CENATAC: variants seen among roughly 807,000 people sequenced by gnomAD.
CENATAC encodes the protein centrosomal AT-AC splicing factor.
Under a neutral mutation model 53.7 loss-of-function variants are expected in CENATAC, and 53 were observed. That is an observed-to-expected ratio of 0.99 (90% CI 0.79 to 1.24). CENATAC has a LOEUF of 1.24. Ranked by LOEUF, CENATAC falls within the 50% of genes most tolerant of loss-of-function variation. CENATAC has a pLI of 0.00. For synonymous variants in CENATAC, 156 were observed against 144.6 expected (o/e 1.08, Z -0.57); for missense variants, 474 against 417.8 (o/e 1.13, Z -1.17).
intron 3 of CENATAC, among the ~76,000 whole-genome samples, chr11:119,007,608 G>C (rs1037066690): frequency 1.3e-5 from 2 of 151,994 alleles, no homozygotes; most frequent in Admixed American, 6.6e-5. Flanking sequence ...TCCCACCCCA[G>C]CCTTCCAAGT....
intron 5 of CENATAC, 123 bp downstream of exon 5, chr11:119,011,406 CTG>C (rs1942862859): frequency 1.1e-6 from 1 of 881,926 alleles, no homozygotes; most frequent in East Asian, 2.9e-5. Flanking sequence ...CAGAGTTTCG[CTG>C]TGTCACCCAG....
chr11:119,010,413 A>G (rs1465435738), intron 3 of CENATAC: 2 of 253,998 alleles, frequency 7.9e-6, no homozygotes, highest in African/African-American at 2.2e-5. Flanking sequence ...AACCATGTCT[A>G]TACTAACCAG....
At chr11:119,011,858 T>C (rs987866642) in intron 5 of CENATAC, 81 bp from the exon 6 acceptor site, 16 of 1,198,278 alleles carry the variant, frequency 1.3e-5, no homozygotes, top group Non-Finnish European at 1.7e-5. Flanking sequence ...CCTGTGATAC[T>C]GGGGTCTGGA....
chr11:119,012,827 A>C (rs1447877651), intron 7 of CENATAC: 2 of 175,184 alleles, frequency 1.1e-5, no homozygotes, highest in Non-Finnish European at 2.4e-5. Flanking sequence ...CTGTTAGCTC[A>C]AATGTCACTT....
intron 8 of CENATAC, 30 bp downstream of exon 8, chr11:119,013,292 C>T (rs1942964719): frequency 2.5e-6 from 4 of 1,577,364 alleles, no homozygotes; most frequent in African/African-American, 1.4e-5. Context: ...TTTTAAAACC[C>T]TGGGAGATTT....
intron 1 of CENATAC, 25 bp downstream of exon 1, chr11:118,998,342 G>A: frequency 6.2e-7 from 1 of 1,611,536 alleles, no homozygotes; most frequent in Non-Finnish European, 8.5e-7. Flanking sequence ...CTAGAGATGG[G>A]ATGGGAGTGC....
At chr11:119,010,629 G>C (rs527708217) in intron 3 of CENATAC, 135 bp from the exon 4 acceptor site, 53 of 722,270 alleles carry the variant, frequency 7.3e-5, no homozygotes, top group Non-Finnish European at 4.8e-6. Context: ...TGGGTGAGAG[G>C]TACATAGGTG....
At position 118,999,108 on chromosome 11, in the gene CENATAC, C is replaced by G; in HGVS notation, c.382C>G (p.Arg128Gly). Residue 128 changes from arginine to glycine, a missense_variant and splice_region_variant, in exon 3 of 11, where the codon CGA (arginine) becomes GGA (glycine). Coordinates refer to ENST00000334418, the MANE Select transcript of CENATAC (RefSeq NM_198489.3). ...KFLVTPQDYA[R>G]FKKSMVKGLD... ...TCTGGTCACTCCCCAGGATTATGCG[C>G]GGTGAGTCACTGGTATGGAACGTGA... is the stretch of plus-strand genomic sequence containing the variant. The G allele has an allele frequency of 6.2e-7, 1 of 1,606,618 alleles. No individual in the cohort carries two copies. The highest frequency in any genetic ancestry group is 8.5e-7 in the Non-Finnish European group (1 of 1,173,238).
rs782229917 is a variant in CENATAC, at chr11:119,014,981, A to C, written c.716-13A>C. ...CTTAAAAAAAAAAAAAAAAGCCTTA[A>C]TTTTTTTTTCAGGTGCCACACCTCC... On this transcript the variant is annotated splice_polypyrimidine_tract_variant and intron_variant, in intron 8 of 10. Transcript: ENST00000334418. 1 of 1,474,776 alleles carries C rather than the reference A, an allele frequency of 6.8e-7. No individual in the cohort carries two copies. The highest frequency in any genetic ancestry group is 9.1e-7 in the Non-Finnish European group (1 of 1,095,676). 91.4% of individuals were successfully genotyped at this position (1,474,776 alleles called of 1,614,324 possible). A position where few individuals can be genotyped will look rare whatever the true frequency, so the allele number is the denominator to read the frequency against.
Position 118,998,542 on chromosome 11 carries a change from G to A in CENATAC, c.233G>A (p.Ser78Asn), listed in dbSNP as rs1216091161. Reference protein sequence around the residue: ...CCGCEVREHLSHGNLTVLYGG... With the variant: ...CCGCEVREHLNHGNLTVLYGG... The stretch of plus-strand genomic sequence containing the variant: ...GGCTGTGAGGTGCGGGAACACCTGA[G>A]CCATGGAAACCTGACGGTGCTGTAC... Residue 78 changes from serine (S) to asparagine (N), a missense_variant, in exon 2 of 11, where the codon AGC becomes AAC. Physicochemically the swap from Ser to Asn is conservative, Grantham distance 46 (BLOSUM62 1). Transcript: ENST00000334418. The A allele has an allele frequency of 1.3e-6, 2 of 1,597,916 alleles. No individual in the cohort carries two copies. The highest frequency in any genetic ancestry group is 1.7e-6 in the Non-Finnish European group (2 of 1,172,134).
chr11:119,000,694 TTGCAGTGAGCCGAGA>T (rs1942248699), intron 3 of CENATAC, among the ~76,000 whole-genome samples: 2 of 151,834 alleles, frequency 1.3e-5, no homozygotes, highest in Non-Finnish European at 2.9e-5. Flanking sequence ...GAGGCAGAGG[TTGCAGTGAGCCGAGA>T]TCGCACCACT....
chr11:119,015,453 G>C lies in CENATAC; in HGVS notation c.938+14G>C. Reference sequence around the variant, plus strand: ...CTGGCAGTCCAGGTATGTGTGTTCAGTGCCGGGTCTCCAACCTACCCATCC... The same window carrying C: ...CTGGCAGTCCAGGTATGTGTGTTCACTGCCGGGTCTCCAACCTACCCATCC... On this transcript the variant is annotated intron_variant, in intron 10 of 10. Coordinates refer to ENST00000334418, the MANE Select transcript of CENATAC (RefSeq NM_198489.3). 6.2e-7 allele frequency: 1 copy of C among 1,613,922 alleles called. No individual in the cohort carries two copies. Among genetic ancestry groups the C allele is most frequent in the South Asian group, 1.1e-5 (1 of 91,076 alleles).
chr11:119,011,792 G>A (rs1208813245), intron 5 of CENATAC, 147 bp from the exon 6 acceptor site: 1 of 666,072 alleles, frequency 1.5e-6, no homozygotes. Flanking sequence ...GGGAGGGAGG[G>A]AGGGAAGAGT....
intron 3 of CENATAC, among the ~76,000 whole-genome samples, chr11:119,008,278 T>C (rs1206264562): frequency 2.0e-5 from 3 of 152,190 alleles, no homozygotes; most frequent in Non-Finnish European, 4.4e-5. Context: ...TCCCTCAGTT[T>C]TTATTGATTA....
At chr11:119,002,566 G>A (rs1942359942) in intron 3 of CENATAC, among the ~76,000 whole-genome samples, 1 of 151,850 alleles carries the variant, frequency 6.6e-6, no homozygotes, top group South Asian at 2.1e-4. Context: ...TTGAACTCCT[G>A]ACCTCAAGTG....
At chr11:119,005,414 C>A (rs930065471) in intron 3 of CENATAC, among the ~76,000 whole-genome samples, 2 of 150,032 alleles carry the variant, frequency 1.3e-5, no homozygotes, top group Non-Finnish European at 3.0e-5. Context: ...TGCAGTGAGC[C>A]GAGATCATGC....
intron 8 of CENATAC, 82 bp from the exon 9 acceptor site, chr11:119,014,912 G>T: frequency 1.1e-6 from 1 of 892,014 alleles, no homozygotes; most frequent in East Asian, 2.5e-5. Context: ...TTAATGAGGA[G>T]AGGTAAGCTA....
intron 5 of CENATAC, 102 bp downstream of exon 5, chr11:119,011,385 T>A (rs1942861231): frequency 1.8e-6 from 2 of 1,137,778 alleles, no homozygotes; most frequent in East Asian, 2.6e-5. Context: ...TTCTTCTTTT[T>A]TTTTTGGAGA....
chr11:119,007,887 T>C (rs1490557947), intron 3 of CENATAC, among the ~76,000 whole-genome samples: 1 of 152,180 alleles, frequency 6.6e-6, no homozygotes, highest in African/African-American at 2.4e-5. Flanking sequence ...GAGGCACTTT[T>C]AGATTTAGAT....
Sources: allele counts gnomAD v4.1 joint callset (sites outside exome capture counted in the v4.1 genomes callset), GRCh38; gene constraint gnomAD v4.1.1; transcripts MANE v1.5; gene names NCBI Gene and HGNC (gene_info 2026-07-23, HGNC 2026-07-21).